Variants in DNAH7 observed in about 807,000 individuals in gnomAD.
The protein encoded by DNAH7 is dynein axonemal heavy chain 7.
In DNAH7, 397 loss-of-function variants were observed where a neutral mutation model predicts 444.6. That is an observed-to-expected ratio of 0.89 (90% confidence interval 0.82 to 0.97). The LOEUF is 0.97. Among genes scored for constraint, DNAH7 ranks in the 50% least tolerant of loss-of-function variants. The probability of loss-of-function intolerance (pLI) is 0.00; values close to 1 mark genes in which losing one functional copy is unlikely to be tolerated. For synonymous variants in DNAH7, 1,636 were observed against 1,624.4 expected, an observed-to-expected ratio of 1.01 and a Z score of -0.17; for missense variants, 4,902 against 4,800.8, an observed-to-expected ratio of 1.02 and a Z score of -0.62.
chr2:195,950,879 A>AAAAAAC (rs1559262968), intron 19 of DNAH7, among the ~76,000 whole-genome samples: 2 of 145,182 alleles, frequency 1.4e-5, no homozygotes, highest in Non-Finnish European at 3.0e-5. Context: ...AAAAAAAAAA[A>AAAAAAC]CCCAGCTCCT....
intron 19 of DNAH7, among the ~76,000 whole-genome samples, chr2:195,944,770 T>C (rs1182892529): frequency 1.3e-5 from 2 of 152,086 alleles, no homozygotes; most frequent in East Asian, 3.8e-4. Flanking sequence ...TTTTAGCAAA[T>C]CACAGAAGTT....
At chr2:195,789,390 G>A (rs776508985) in intron 57 of DNAH7, among the ~76,000 whole-genome samples, 6 of 152,160 alleles carry the variant, frequency 3.9e-5, no homozygotes, top group Admixed American at 1.3e-4. Flanking sequence ...GCTTGTAGTA[G>A]AGTGCCAAGT....
intron 10 of DNAH7, among the ~76,000 whole-genome samples, chr2:196,012,324 C>T (rs549439340): frequency 2.0e-4 from 30 of 152,250 alleles, no homozygotes; most frequent in African/African-American, 7.0e-4. Flanking sequence ...CAATTATCAT[C>T]TGATAGGTCT....
At position 195,748,428 on chromosome 2, in the gene DNAH7, T is replaced by G. The variant is rs148929647; in HGVS notation, c.11764+5909A>C. 0.019 allele frequency among the ~76,000 whole-genome samples: 2,929 copies of G among 152,294 alleles called. 236 individuals are homozygous for G. The East Asian group carries it at 0.26, about 14-fold the overall frequency. ...GTACTGCCCAAGGTAATTTACAGAT[T>G]CAATGCTATCCCCATCAAGCTACCA... On this transcript the variant is annotated intron_variant, in intron 63 of 64. Coordinates refer to ENST00000312428, the MANE Select transcript of DNAH7 (RefSeq NM_018897.3).
chr2:195,811,794 C>T (rs559800412), intron 51 of DNAH7, among the ~76,000 whole-genome samples: 30 of 152,176 alleles, frequency 2.0e-4, no homozygotes, highest in African/African-American at 7.0e-4. Flanking sequence ...AAACTGTGTG[C>T]GTAATTATCA....
chr2:195,749,474 ATT>A (rs1311422593), intron 63 of DNAH7, among the ~76,000 whole-genome samples: 1 of 152,212 alleles, frequency 6.6e-6, no homozygotes, highest in Non-Finnish European at 1.5e-5. Context: ...CACCCATCCC[ATT>A]ACTGGGTATA....
intron 37 of DNAH7, 52 bp from the exon 38 acceptor site, chr2:195,875,895 G>A (rs757862731): frequency 1.3e-6 from 2 of 1,501,478 alleles, no homozygotes; most frequent in Non-Finnish European, 1.8e-6. Context: ...TCAACATACA[G>A]TCCTATTGTG....
rs1264274789 is a variant in DNAH7 at position 195,907,094 on chromosome 2, A to T, written c.4105-85T>A. ...GTTGTATTTTCACCTGATCTTTTCA[A>T]GGATTTAATATCCTGTCAAAGAAAT... On this transcript the variant is annotated intron_variant, in intron 25 of 64. Transcript: ENST00000312428. 9 of 1,029,266 alleles carry T rather than the reference A, an allele frequency of 8.7e-6. No individual in the cohort carries two copies. The Admixed American group carries it at 2.0e-4, about 23-fold the overall frequency. The allele number at this position is 1,029,266 out of a possible 1,614,324, so 63.8% of individuals were successfully genotyped here. A position where few individuals can be genotyped will look rare whatever the true frequency, so the allele number is the denominator to read the frequency against.
chr2:195,931,614 G>T lies in DNAH7; in HGVS notation c.3471+2977C>A, dbSNP rs555199639. Among the ~76,000 whole-genome samples, 1,023 of 151,740 alleles carry T rather than the reference G, an allele frequency of 6.7e-3. 7 individuals are homozygous for T. The highest frequency in any genetic ancestry group is 0.023 in the African/African-American group (969 of 41,360). On this transcript the variant is annotated intron_variant, in intron 21 of 64. Transcript: ENST00000312428. ...TAATTTTTGTATAAGGTGTAAGGAA[G>T]GGATCCAGTTTCAGCTTTCTACATA...
intron 49 of DNAH7, among the ~76,000 whole-genome samples, chr2:195,818,444 C>A (rs970954090): frequency 2.0e-5 from 3 of 152,166 alleles, no homozygotes; most frequent in African/African-American, 7.2e-5. Context: ...ATTGCTCTTA[C>A]AGGCAGGTCT....
chr2:195,910,290 C>T (rs535199986), intron 24 of DNAH7, 95 bp from the exon 25 acceptor site: 166 of 942,832 alleles, frequency 1.8e-4, no homozygotes, highest in Middle Eastern at 1.7e-3. Flanking sequence ...GAGAACCAAA[C>T]CTCCAGCTTC....
intron 10 of DNAH7, among the ~76,000 whole-genome samples, chr2:196,010,984 G>T (rs1020418422): frequency 1.3e-5 from 2 of 152,082 alleles, no homozygotes; most frequent in Non-Finnish European, 2.9e-5. Flanking sequence ...GTAGAATGGC[G>T]GTTAAGAGAA....
In DNAH7 at chr2:195,881,847, T is replaced by G; in HGVS notation, c.5909A>C (p.Lys1970Thr). ...TGTTGGTCCTACAAATATTGAAGGCTTTTGATGGGTGGTCAGCAATTCCAT... is the reference window on the plus strand; with the variant it reads ...TGTTGGTCCTACAAATATTGAAGGCGTTTGATGGGTGGTCAGCAATTCCAT... ...ALMELLTTHQ[K>T]PSIFVGPTGT... Residue 1970 changes from lysine (K) to threonine (T), a missense_variant, in exon 36 of 65, where the codon AAG becomes ACG. By Grantham distance (78) the Lys-to-Thr change is moderately conservative (BLOSUM62 -1). Coordinates refer to ENST00000312428, the MANE Select transcript of DNAH7 (RefSeq NM_018897.3). 1 of 1,614,062 alleles carries G rather than the reference T, an allele frequency of 6.2e-7. No homozygotes were observed. The highest frequency in any genetic ancestry group is 1.1e-5 in the South Asian group (1 of 91,082).
At chr2:196,027,796 T>G (rs946756994) in intron 6 of DNAH7, among the ~76,000 whole-genome samples, 164 bp downstream of exon 6, 1 of 152,124 alleles carries the variant, frequency 6.6e-6, no homozygotes, top group African/African-American at 2.4e-5. Context: ...GAGAGAATGA[T>G]TTCTTCTACA....
At position 195,862,054 on chromosome 2, in the gene DNAH7, G is replaced by A. The variant is rs192390620; in HGVS notation, c.7507-108C>T. On this transcript the variant is annotated intron_variant, in intron 41 of 64. Transcript: ENST00000312428. ...GATGTTGGGGGTGAAGGGGAATAGT[G>A]TGAGGGATGGTGTGGGAGAGACAAT... 155 of 811,960 alleles carry A rather than the reference G, an allele frequency of 1.9e-4. 1 individual carries two copies. The African/African-American group carries it at 2.2e-3, about 12-fold the overall frequency. 50.3% of individuals were successfully genotyped at this position (811,960 alleles called of 1,614,324 possible).
chr2:196,051,066 A>G, intron 3 of DNAH7, 121 bp downstream of exon 3: 1 of 869,356 alleles, frequency 1.2e-6, no homozygotes, highest in East Asian at 2.5e-5. Context: ...ACCTCATAGA[A>G]TTTCTCCATC....
chr2:195,916,374 G>A (rs561239895), intron 24 of DNAH7, among the ~76,000 whole-genome samples: 2 of 152,256 alleles, frequency 1.3e-5, no homozygotes, highest in Admixed American at 6.5e-5. Flanking sequence ...CACCCTGGCT[G>A]GAGTGTGGTT....
chr2:195,893,844 T>C (rs1702152255), intron 30 of DNAH7: 1 of 152,178 alleles, frequency 6.6e-6, no homozygotes, highest in Non-Finnish European at 1.5e-5. Flanking sequence ...CATATCTTCA[T>C]CTCCTTCTAC....
intron 24 of DNAH7, among the ~76,000 whole-genome samples, chr2:195,918,144 C>T (rs1447056844): frequency 6.6e-6 from 1 of 152,206 alleles, no homozygotes; most frequent in African/African-American, 2.4e-5. Flanking sequence ...ACAAACACCT[C>T]ACCAAAAGAG....
Sources: allele counts gnomAD v4.1 joint callset (sites outside exome capture counted in the v4.1 genomes callset), GRCh38; gene constraint gnomAD v4.1.1; transcripts MANE v1.5; gene names NCBI Gene and HGNC (gene_info 2026-07-23, HGNC 2026-07-21).